PLXNA2: variants seen among roughly 807,000 people sequenced by gnomAD.
PLXNA2 encodes plexin-A2.
In PLXNA2, 91 loss-of-function variants were observed where a neutral mutation model predicts 193.5. The ratio of observed to expected loss-of-function variants is 0.47; its 90% confidence interval spans 0.40 to 0.56. The LOEUF (loss-of-function observed/expected upper bound fraction) is 0.56. Among genes scored for constraint, PLXNA2 ranks in the 20% least tolerant of loss-of-function variants. PLXNA2 has a pLI of 0.00. For synonymous variants in PLXNA2, 997 were observed against 1,027.3 expected, an observed-to-expected ratio of 0.97 and a Z score of 0.56; for missense variants, 1,995 against 2,503.2, an observed-to-expected ratio of 0.80 and a Z score of 4.33.
At chr1:208,054,642 A>G in intron 13 of PLXNA2, 104 bp from the exon 14 acceptor site, 1 of 789,448 alleles carries the variant, frequency 1.3e-6, no homozygotes, top group Non-Finnish European at 2.2e-6. Flanking sequence ...GTCTTGCAAT[A>G]ATGCCAGACC....
At chr1:208,136,430 G>A (rs17187140) in intron 4 of PLXNA2, among the ~76,000 whole-genome samples, 9,002 of 152,220 alleles carry the variant, frequency 0.059, 399 homozygotes, top group Non-Finnish European at 0.091. Flanking sequence ...CACAATGAGC[G>A]TGAGACTTTG....
chr1:208,141,133 T>C (rs535340683), intron 4 of PLXNA2, among the ~76,000 whole-genome samples: 1 of 152,354 alleles, frequency 6.6e-6, no homozygotes, highest in South Asian at 2.1e-4. Context: ...GATCTGGATA[T>C]AATTGGCATG....
Position 208,027,992 on chromosome 1 carries a change from C to T in PLXNA2, c.5589+17G>A, listed in dbSNP as rs559113449. On this transcript the variant is annotated intron_variant, in intron 31 of 31. Coordinates refer to ENST00000367033, the MANE Select transcript of PLXNA2 (RefSeq NM_025179.4). ...CCTTGCCTGTTGGTTTCTGTCCCTG[C>T]TGGGGCCCTGTCTCACCTCCTCACT... is the stretch of plus-strand genomic sequence containing the variant. 3 of 1,547,892 alleles carry T rather than the reference C, an allele frequency of 1.9e-6. No homozygotes were observed. The highest frequency in any genetic ancestry group is 1.7e-4 in the Middle Eastern group (1 of 5,850).
chr1:208,114,828 G>A (rs190911342), intron 4 of PLXNA2, among the ~76,000 whole-genome samples: 53 of 152,294 alleles, frequency 3.5e-4, no homozygotes, highest in African/African-American at 9.4e-4. Flanking sequence ...ATGAGTGTGT[G>A]TGTATGTGTG....
chr1:208,092,877 G>A lies in PLXNA2; in HGVS notation c.2006C>T (p.Ala669Val). 6.2e-7 allele frequency: 1 copy of A among 1,613,996 alleles called. No individual in the cohort carries two copies. Among genetic ancestry groups the A allele is most frequent in the Non-Finnish European group, 8.5e-7 (1 of 1,179,910 alleles). The change falls in exon 9 of 32, where the codon GCC becomes GTC. Residue 669 changes from alanine (A) to valine (V), a missense_variant. Coordinates refer to ENST00000367033, the MANE Select transcript of PLXNA2 (RefSeq NM_025179.4). ...GTACTTGCACCAATGGCAGCGGAAG[G>A]CGCTGTTGACACAGGACAGGCACCT... is the stretch of plus-strand genomic sequence containing the variant. ...HQLCLSCVNS[A>V]FRCHWCKYRN...
intron 22 of PLXNA2, 154 bp from the exon 23 acceptor site, chr1:208,040,212 G>T (rs1664822390): frequency 1.6e-6 from 1 of 630,166 alleles, no homozygotes; most frequent in Non-Finnish European, 2.9e-6. Flanking sequence ...AGCTCACCCA[G>T]TAACTAGACT....
At position 208,219,023 on chromosome 1, in the gene PLXNA2, C is replaced by T. The variant is rs114365227; in HGVS notation, c.-80-1021G>A. On this transcript the variant is annotated intron_variant, in intron 1 of 31. Transcript: ENST00000367033. Reference sequence around the variant, plus strand: ...AGGTGAGATTCAGTCTCATTTCAGGCACTGCTGGGGCCTCCTGACTGTTTC... The same window carrying T: ...AGGTGAGATTCAGTCTCATTTCAGGTACTGCTGGGGCCTCCTGACTGTTTC... Among the ~76,000 whole-genome samples, 1,106 of 152,316 alleles carry T rather than the reference C, an allele frequency of 7.3e-3. 20 individuals are homozygous for T. Among genetic ancestry groups the T allele is most frequent in the African/African-American group, 0.024 (1,015 of 41,572 alleles).
intron 21 of PLXNA2, 143 bp from the exon 22 acceptor site, chr1:208,042,509 C>T: frequency 1.3e-6 from 1 of 784,176 alleles, no homozygotes; most frequent in South Asian, 1.8e-5. Context: ...CACCCCATTC[C>T]ACTCACCCGT....
At chr1:208,119,321 G>T (rs1667735678) in intron 4 of PLXNA2, among the ~76,000 whole-genome samples, 1 of 152,204 alleles carries the variant, frequency 6.6e-6, no homozygotes, top group South Asian at 2.1e-4. Context: ...GTCTAGGAGA[G>T]CAACAAAGCC....
At chr1:208,056,155 T>C (rs1265204410) in intron 13 of PLXNA2, among the ~76,000 whole-genome samples, 1 of 152,256 alleles carries the variant, frequency 6.6e-6, no homozygotes, top group Non-Finnish European at 1.5e-5. Context: ...TCCCGGACCC[T>C]GGCAACCCGC....
chr1:208,027,333 G>C lies in PLXNA2; in HGVS notation c.5595C>G (p.Ile1865Met). Residue 1865 changes from isoleucine to methionine, a missense_variant, in exon 32 of 32, where the codon ATC becomes ATG. By Grantham distance (10) the Ile-to-Met change is conservative (BLOSUM62 1). This residue lies in a region of PLXNA2 where 1,291 missense variants were observed against 1,673.6 expected (regional missense o/e 0.77). Coordinates refer to ENST00000367033, the MANE Select transcript of PLXNA2 (RefSeq NM_025179.4). ...CCTGCTCATCCTGCTCTAGGGCCCC[G>C]ATGAGCTGAGGAGCAAAAACAAAGG... ...SYVSKYSEEL[I>M]GALEQDEQAR... 1 of 1,612,310 alleles carries C rather than the reference G, an allele frequency of 6.2e-7. No individual in the cohort carries two copies. Among genetic ancestry groups the C allele is most frequent in the Non-Finnish European group, 8.5e-7 (1 of 1,179,840 alleles).
At position 208,141,831 on chromosome 1, in the gene PLXNA2, C is replaced by G. The variant is rs983361770; in HGVS notation, c.1506+498G>C. On this transcript the variant is annotated intron_variant, in intron 4 of 31. Transcript: ENST00000367033. ...GTCTATTTCTCAGGGCTTCCCATCT[C>G]CATAGGCCTGGTTTCAGCTTCCCAG... Among the ~76,000 whole-genome samples, 10 of 152,346 alleles carry G rather than the reference C, an allele frequency of 6.6e-5. No homozygotes were observed. The South Asian group carries it at 2.1e-3, about 32-fold the overall frequency.
At chr1:208,067,181 T>A (rs1665826660) in intron 12 of PLXNA2, among the ~76,000 whole-genome samples, 1 of 151,884 alleles carries the variant, frequency 6.6e-6, no homozygotes, top group Non-Finnish European at 1.5e-5. Flanking sequence ...GCTGTCTCTA[T>A]TAAAAATCCA....
chr1:208,229,332 T>C (rs1558256575), intron 1 of PLXNA2, among the ~76,000 whole-genome samples: 1 of 152,140 alleles, frequency 6.6e-6, no homozygotes, highest in Non-Finnish European at 1.5e-5. Context: ...AATTAGAGGC[T>C]CTTTGAAGGC....
At chr1:208,032,786 A>G (rs1206146991) in intron 28 of PLXNA2, among the ~76,000 whole-genome samples, 3 of 152,160 alleles carry the variant, frequency 2.0e-5, no homozygotes, top group East Asian at 1.9e-4. Flanking sequence ...TTTCCCTCCC[A>G]TTGTGGCCAG....
chr1:208,240,294 C>T (rs1391763612), intron 1 of PLXNA2, among the ~76,000 whole-genome samples: 1 of 152,190 alleles, frequency 6.6e-6, no homozygotes, highest in Non-Finnish European at 1.5e-5. Flanking sequence ...AGGGCTAAGC[C>T]CAGGAGGACG....
At chr1:208,144,321 G>C (rs1295000138) in intron 3 of PLXNA2, among the ~76,000 whole-genome samples, 1 of 151,826 alleles carries the variant, frequency 6.6e-6, no homozygotes, top group East Asian at 1.9e-4. Context: ...ATTGATTGCA[G>C]AGCTAGGGGA....
intron 15 of PLXNA2, among the ~76,000 whole-genome samples, chr1:208,051,630 G>A (rs565660604): frequency 6.6e-6 from 1 of 152,310 alleles, no homozygotes; most frequent in Admixed American, 6.5e-5. Flanking sequence ...TGGAGACGGG[G>A]GTTTGAAAAT....
chr1:208,181,532 T>A (rs185071954), intron 3 of PLXNA2, among the ~76,000 whole-genome samples: 69 of 152,328 alleles, frequency 4.5e-4, no homozygotes, highest in African/African-American at 1.5e-3. Flanking sequence ...CTCCACCTCA[T>A]ACTTTCTCTG....
Sources: gnomAD v4.1 joint callset for allele counts (sites outside exome capture counted in the v4.1 genomes callset) on GRCh38, gnomAD v4.1.1 for gene constraint, gnomAD v4.1.1 regional missense constraint, MANE v1.5 for transcripts, NCBI Gene and HGNC (gene_info 2026-07-23, HGNC 2026-07-21) for gene names.